CPNE1: variants seen among roughly 807,000 people sequenced by gnomAD.
CPNE1 encodes the protein copine-1.
CPNE1 carries 58 observed loss-of-function variants against 63.2 expected under a neutral mutation model. That is an observed-to-expected ratio of 0.92 (90% confidence interval 0.74 to 1.14). CPNE1 has a LOEUF of 1.14. CPNE1 is among the 50% of genes most tolerant of loss of function. CPNE1 has a pLI of 0.00. For missense variants in CPNE1, 672 were observed against 661.7 expected, an observed-to-expected ratio of 1.02 and a Z score of -0.17; for synonymous variants, 237 against 249.0, an observed-to-expected ratio of 0.95 and a Z score of 0.45.
chr20:35,632,442 G>C (rs1245535102), intron 3 of CPNE1, 57 bp from the exon 4 acceptor site: 2 of 1,602,862 alleles, frequency 1.2e-6, no homozygotes, highest in African/African-American at 2.7e-5. Context: ...GGTCCTGCTT[G>C]CCCCCTACCT....
intron 1 of CPNE1, chr20:35,649,992 TAGG>T (rs2033390888): frequency 6.6e-6 from 1 of 152,598 alleles, no homozygotes; most frequent in Non-Finnish European, 1.5e-5. Flanking sequence ...ACCTAGTTCT[TAGG>T]AGAAAATTCG....
intron 1 of CPNE1, among the ~76,000 whole-genome samples, chr20:35,633,153 T>C (rs1021629916): frequency 6.6e-6 from 1 of 152,120 alleles, no homozygotes; most frequent in Non-Finnish European, 1.5e-5. Context: ...TCTGAAGATA[T>C]TGAAAAGGGG....
chr20:35,641,573 A>C (rs1383191966), intron 1 of CPNE1, among the ~76,000 whole-genome samples: 1 of 152,228 alleles, frequency 6.6e-6, no homozygotes, highest in African/African-American at 2.4e-5. Context: ...TCTGAAGATT[A>C]ATATAAATAA....
rs1483117027 is a variant in CPNE1 at position 35,632,899 on chromosome 20, G to A, written c.25C>T (p.Gln9Ter). MAHCVTLV[Q>*]LSISCDHLID... ...AGATGGTCACAGGAAATGGACAGCT[G>A]AACCAAGGTCACGCAGTGGGCCATC... Residue 9 changes from glutamine (Q) to a stop codon, truncating the protein, a stop_gained, in exon 2 of 16, where the codon CAG becomes TAG. Coordinates refer to ENST00000397443, the MANE Select transcript of CPNE1 (RefSeq NM_152925.3). LOFTEE classifies it high-confidence loss of function. The A allele has an allele frequency of 1.5e-5, 13 of 872,744 alleles. No individual in the cohort carries two copies. The highest frequency in any genetic ancestry group is 2.4e-5 in the Non-Finnish European group (12 of 501,614). 54.1% of individuals were successfully genotyped at this position (872,744 alleles called of 1,614,324 possible).
chr20:35,634,076 A>G (rs1028349428), intron 1 of CPNE1, among the ~76,000 whole-genome samples: 4 of 151,444 alleles, frequency 2.6e-5, no homozygotes, highest in Non-Finnish European at 4.4e-5. Context: ...CCTGGCTAAC[A>G]TGGTGAGACC....
Position 35,631,990 on chromosome 20 carries a change from G to T in CPNE1, c.492C>A (p.Phe164Leu). 2 of 1,614,090 alleles carry T rather than the reference G, an allele frequency of 1.2e-6. No individual in the cohort carries two copies. The highest frequency in any genetic ancestry group is 1.7e-6 in the Non-Finnish European group (2 of 1,180,008). The change falls in exon 6 of 16, where the codon TTC becomes TTA. Residue 164 changes from phenylalanine (F) to leucine (L), a missense_variant. By Grantham distance (22) the Phe-to-Leu change is conservative. Transcript: ENST00000397443. ...GCCATTTCCCATCACCCTGGCGGAA[G>T]AACTCCAGAAATGGATCTGATTTTC... ...FLGKSDPFLE[F>L]FRQGDGKWHL...
At chr20:35,654,440 T>G (rs752983329) in intron 1 of CPNE1, 1 of 1,614,214 alleles carries the variant, frequency 6.2e-7, no homozygotes, top group Non-Finnish European at 8.5e-7. Flanking sequence ...GGGAGTGGCT[T>G]CACACTGCTC....
intron 1 of CPNE1, among the ~76,000 whole-genome samples, chr20:35,641,741 C>T (rs867642751): frequency 6.6e-6 from 1 of 152,302 alleles, no homozygotes; most frequent in Non-Finnish European, 1.5e-5. Flanking sequence ...TCATGCCACA[C>T]GACTGTATTC....
chr20:35,644,512 A>G (rs2033001114), intron 1 of CPNE1, among the ~76,000 whole-genome samples: 1 of 152,234 alleles, frequency 6.6e-6, no homozygotes, highest in South Asian at 2.1e-4. Context: ...GGTTCATACA[A>G]TCACAGAAGC....
At chr20:35,656,091 A>G (rs1405680617) in intron 1 of CPNE1, among the ~76,000 whole-genome samples, 1 of 152,228 alleles carries the variant, frequency 6.6e-6, no homozygotes, top group Non-Finnish European at 1.5e-5. Flanking sequence ...TACCCCCAAA[A>G]GTAGAACCTG....
intron 1 of CPNE1, chr20:35,650,005 G>A (rs1314150708): frequency 1.3e-5 from 2 of 152,530 alleles, no homozygotes; most frequent in African/African-American, 2.4e-5. Context: ...GAGAAAATTC[G>A]CAGGAAGAGA....
intron 1 of CPNE1, among the ~76,000 whole-genome samples, chr20:35,645,500 T>C (rs570361787): frequency 3.3e-5 from 5 of 152,346 alleles, no homozygotes; most frequent in African/African-American, 1.2e-4. Flanking sequence ...CCCTCAACTG[T>C]TGAAGAACAG....
At chr20:35,627,516 G>GAATGAATGAAATGCACC in intron 13 of CPNE1, 103 bp from the exon 14 acceptor site, 1 of 1,195,276 alleles carries the variant, frequency 8.4e-7, no homozygotes, top group Non-Finnish European at 1.2e-6. Context: ...GAACCTGGGT[G>GAATGAATGAAATGCACC]CATTTCATTC....
chr20:35,637,888 T>G (rs2032578730), intron 1 of CPNE1, among the ~76,000 whole-genome samples: 1 of 152,178 alleles, frequency 6.6e-6, no homozygotes, highest in South Asian at 2.1e-4. Context: ...ACACCAACCT[T>G]ATTTACCACC....
At chr20:35,647,684 C>T (rs1023627612) in intron 1 of CPNE1, among the ~76,000 whole-genome samples, 1 of 152,094 alleles carries the variant, frequency 6.6e-6, no homozygotes, top group African/African-American at 2.4e-5. Flanking sequence ...AGGAGTCATA[C>T]TCTAGGATGC....
chr20:35,653,463 G>A (rs943573582), intron 1 of CPNE1: 36 of 1,613,974 alleles, frequency 2.2e-5, no homozygotes, highest in Non-Finnish European at 3.0e-5. Context: ...TATCTTCTAG[G>A]GTAACTACAT....
chr20:35,628,200 G>C (rs1429372442), intron 13 of CPNE1, among the ~76,000 whole-genome samples: 1 of 151,966 alleles, frequency 6.6e-6, no homozygotes, highest in Admixed American at 6.6e-5. Flanking sequence ...CAGGAGAATG[G>C]CGTGAACCCA....
intron 1 of CPNE1, among the ~76,000 whole-genome samples, chr20:35,635,195 C>G (rs2032419238): frequency 6.6e-6 from 1 of 152,038 alleles, no homozygotes; most frequent in South Asian, 2.1e-4. Context: ...TATAAAGGCT[C>G]TCCCTTTTAG....
rs2032192959 is a variant in CPNE1 at position 35,632,154 on chromosome 20, C to A, written c.456+9G>T. Reference sequence around the variant, plus strand: ...CTCTTGGATTACCAGGGCCTACTTCCAGACACACCTTCTTATCTAGGTTTC... The same window carrying A: ...CTCTTGGATTACCAGGGCCTACTTCAAGACACACCTTCTTATCTAGGTTTC... On this transcript the variant is annotated intron_variant, in intron 5 of 15. Transcript: ENST00000397443. 1.2e-6 allele frequency: 2 copies of A among 1,613,894 alleles called. No homozygotes were observed. The highest frequency in any genetic ancestry group is 1.7e-6 in the Non-Finnish European group (2 of 1,179,762).
Sources: allele counts gnomAD v4.1 joint callset (sites outside exome capture counted in the v4.1 genomes callset), GRCh38; gene constraint gnomAD v4.1.1; transcripts MANE v1.5; gene names NCBI Gene and HGNC (gene_info 2026-07-23, HGNC 2026-07-21).